The following CDKAL1 variants were observed in gnomAD, a reference collection of about 807,000 sequenced individuals.
The protein encoded by CDKAL1 is threonylcarbamoyladenosine tRNA methylthiotransferase.
Under a neutral mutation model 68.2 loss-of-function variants are expected in CDKAL1, and 32 were observed. The observed-to-expected ratio is 0.47, with a 90% CI of 0.35 to 0.63. CDKAL1 has a LOEUF of 0.63. CDKAL1 is among the 30% of genes least tolerant of loss of function. The pLI, the probability that CDKAL1 is intolerant of heterozygous loss-of-function variation, is 0.00. For missense variants in CDKAL1, 606 were observed against 696.7 expected (o/e 0.87, Z 1.47); for synonymous variants, 234 against 244.3 (o/e 0.96, Z 0.39).
At chr6:20,840,283 C>A (rs1487397071) in intron 8 of CDKAL1, among the ~76,000 whole-genome samples, 1 of 152,120 alleles carries the variant, frequency 6.6e-6, no homozygotes, top group Non-Finnish European at 1.5e-5. Context: ...CCACTTCTCC[C>A]CTCAAACTAT....
intron 5 of CDKAL1, among the ~76,000 whole-genome samples, chr6:20,732,233 TTTC>T: frequency 6.7e-6 from 1 of 149,148 alleles, no homozygotes; most frequent in Non-Finnish European, 1.5e-5. Context: ...TCCTTTTCCT[TTTC>T]TTTTTTTCTT....
At chr6:20,933,683 A>G (rs1459105653) in intron 9 of CDKAL1, among the ~76,000 whole-genome samples, 8 of 152,178 alleles carry the variant, frequency 5.3e-5, no homozygotes, top group Non-Finnish European at 1.0e-4. Context: ...ATTGCTTTCT[A>G]TTTGTCAAGG....
intron 5 of CDKAL1, among the ~76,000 whole-genome samples, chr6:20,702,574 C>T (rs183001650): frequency 6.1e-4 from 93 of 151,776 alleles, no homozygotes; most frequent in African/African-American, 2.0e-3. Flanking sequence ...CTTGTCGTTC[C>T]GCCAGTCGAT....
intron 9 of CDKAL1, among the ~76,000 whole-genome samples, chr6:20,853,380 AAAAAACAAAAC>A (rs1272428661): frequency 6.5e-5 from 2 of 30,696 alleles, no homozygotes; most frequent in African/African-American, 1.2e-4. Flanking sequence ...ATTTCGTCTC[AAAAAACAAAAC>A]AAAAAAAAAA....
Position 20,846,084 on chromosome 6 carries a change from T to C in CDKAL1, c.648T>C (p.Asn216=). ...GTTATCATTTGAACAGGTGTCTCAA[T>C]GCTTGTACCTACTGCAAAACTAAAC... ...EIISINTGCL[N]ACTYCKTKHA... Residue 216 remains asparagine (N), a synonymous_variant, in exon 9 of 16, where the codon AAT becomes AAC. Transcript: ENST00000274695. 1.2e-6 allele frequency: 2 copies of C among 1,610,652 alleles called. No homozygotes were observed. The highest frequency in any genetic ancestry group is 2.2e-5 in the South Asian group (2 of 90,802).
At position 21,092,683 on chromosome 6, in the gene CDKAL1, G is replaced by A. The variant is rs184343129; in HGVS notation, c.1237-15718G>A. 5.7e-4 allele frequency among the ~76,000 whole-genome samples: 84 copies of A among 147,788 alleles called. 2 individuals are homozygous for A. The East Asian group carries it at 8.5e-3, about 15-fold the overall frequency. Reference sequence around the variant, plus strand: ...CAAACAGAATAGGAATGGAGTGAGAGAGAAAATAAAAAATAAGAAAGAAAC... The same window carrying A: ...CAAACAGAATAGGAATGGAGTGAGAAAGAAAATAAAAAATAAGAAAGAAAC... On this transcript the variant is annotated intron_variant, in intron 12 of 15. Coordinates refer to ENST00000274695, the MANE Select transcript of CDKAL1 (RefSeq NM_017774.3).
At chr6:20,877,005 A>G (rs962844225) in intron 9 of CDKAL1, among the ~76,000 whole-genome samples, 5 of 152,232 alleles carry the variant, frequency 3.3e-5, no homozygotes, top group Non-Finnish European at 5.9e-5. Context: ...TTTATTTAAC[A>G]CATAGTATGT....
intron 11 of CDKAL1, among the ~76,000 whole-genome samples, chr6:21,027,812 A>AGTGGGGAGG (rs1769044802): frequency 6.6e-6 from 1 of 152,224 alleles, no homozygotes; most frequent in Non-Finnish European, 1.5e-5. Context: ...ACAGGCTAAT[A>AGTGGGGAGG]TAAGTGGGGA....
At chr6:20,837,403 T>C (rs1264386865) in intron 8 of CDKAL1, among the ~76,000 whole-genome samples, 3 of 152,158 alleles carry the variant, frequency 2.0e-5, no homozygotes, top group Non-Finnish European at 4.4e-5. Context: ...CCTCAACCAC[T>C]GTTTCCTGTG....
At chr6:20,807,223 T>C (rs1199970200) in intron 8 of CDKAL1, among the ~76,000 whole-genome samples, 2 of 151,740 alleles carry the variant, frequency 1.3e-5, no homozygotes, top group Non-Finnish European at 2.9e-5. Context: ...AGGGCCAAAA[T>C]TGATTTTTTT....
chr6:20,707,248 G>T (rs569628899), intron 5 of CDKAL1, among the ~76,000 whole-genome samples: 1 of 152,280 alleles, frequency 6.6e-6, no homozygotes, highest in East Asian at 1.9e-4. Context: ...CCAGTGTTTT[G>T]GGTCTTTCCT....
chr6:20,901,699 A>AAAAAAAAAAAG (rs1554137984), intron 9 of CDKAL1, among the ~76,000 whole-genome samples: 95 of 75,940 alleles, frequency 1.3e-3, no homozygotes, highest in Non-Finnish European at 1.6e-3. Context: ...AAAAAAAAAA[A>AAAAAAAAAAAG]AAAAGAAAAG....
chr6:20,999,829 G>A (rs1214683308), intron 10 of CDKAL1, among the ~76,000 whole-genome samples: 1 of 151,996 alleles, frequency 6.6e-6, no homozygotes, highest in Admixed American at 6.6e-5. Flanking sequence ...GGGGATTATG[G>A]GATCTCAAGT....
At chr6:20,944,876 A>G (rs948841912) in intron 9 of CDKAL1, among the ~76,000 whole-genome samples, 8 of 152,186 alleles carry the variant, frequency 5.3e-5, no homozygotes, top group African/African-American at 1.9e-4. Flanking sequence ...TAGAAATTTT[A>G]AATTGAAGAT....
At chr6:20,614,657 C>A (rs1454925483) in intron 4 of CDKAL1, among the ~76,000 whole-genome samples, 1 of 152,086 alleles carries the variant, frequency 6.6e-6, no homozygotes, top group Non-Finnish European at 1.5e-5. Context: ...ATCTTTTTTT[C>A]CTTTTACTTA....
At chr6:20,564,272 T>C (rs184631199) in intron 4 of CDKAL1, among the ~76,000 whole-genome samples, 183 of 152,338 alleles carry the variant, frequency 1.2e-3, no homozygotes, top group African/African-American at 3.9e-3. Context: ...AAAGCTTAAA[T>C]GTTATAAAAT....
intron 13 of CDKAL1, among the ~76,000 whole-genome samples, chr6:21,171,704 A>C (rs567850796): frequency 2.6e-5 from 4 of 152,276 alleles, no homozygotes; most frequent in Non-Finnish European, 5.9e-5. Flanking sequence ...AATACCTCAT[A>C]CTATAGATGT....
In CDKAL1 at chr6:21,201,273, A is replaced by G. The variant is rs1343115796; in HGVS notation, c.1547A>G (p.Lys516Arg). The change falls in exon 15 of 16, where the codon AAG becomes AGG. Residue 516 changes from lysine to arginine, a missense_variant and splice_region_variant. Transcript: ENST00000274695. ...LAKGEVSGLT[K>R]DFRNGLGNQL... ...AAGGGAGAAGTCTCGGGTTTGACAA[A>G]GGTAAGTAAAAGATGCTCTCCTCTC... 6 of 1,603,614 alleles carry G rather than the reference A, an allele frequency of 3.7e-6. No homozygotes were observed. The South Asian group carries it at 6.6e-5, about 18-fold the overall frequency.
chr6:20,942,059 G>T (rs1342495807), intron 9 of CDKAL1, among the ~76,000 whole-genome samples: 1 of 152,102 alleles, frequency 6.6e-6, no homozygotes, highest in Non-Finnish European at 1.5e-5. Context: ...GACAGCTTAT[G>T]TTTAACACAT....
Sources: allele counts gnomAD v4.1 joint callset (sites outside exome capture counted in the v4.1 genomes callset), GRCh38; gene constraint gnomAD v4.1.1; transcripts MANE v1.5; gene names NCBI Gene and HGNC (gene_info 2026-07-23, HGNC 2026-07-21).